Variants in NEBL observed in about 807,000 individuals in gnomAD.
The protein encoded by NEBL is LIM and SH3 protein 2.
NEBL carries 122 observed loss-of-function variants against 140.2 expected under a neutral mutation model. The ratio of observed to expected loss-of-function variants is 0.87; its 90% CI spans 0.75 to 1.01. The LOEUF is 1.01. Among genes scored for constraint, NEBL ranks in the 50% least tolerant of loss-of-function variants. The pLI, the probability that NEBL is intolerant of heterozygous loss-of-function variation, is 0.00. For missense variants in NEBL, 1,365 were observed against 1,231.3 expected, an observed-to-expected ratio of 1.11 and a Z score of -1.62; for synonymous variants, 436 against 398.9, an observed-to-expected ratio of 1.09 and a Z score of -1.11.
intron 17 of NEBL, 117 bp downstream of exon 17, chr10:20,828,413 C>T: frequency 1.4e-6 from 1 of 696,330 alleles, no homozygotes. Context: ...AAAGATAATA[C>T]ACTTGACAGA....
At chr10:20,829,286 G>A (rs183114768) in intron 16 of NEBL, among the ~76,000 whole-genome samples, 28 of 152,078 alleles carry the variant, frequency 1.8e-4, no homozygotes, top group African/African-American at 6.8e-4. Context: ...GTCCTTTGTA[G>A]GGACATGGAT....
chr10:21,105,201 T>C (rs1039930015), intron 2 of NEBL, among the ~76,000 whole-genome samples: 10 of 152,218 alleles, frequency 6.6e-5, no homozygotes, highest in African/African-American at 2.4e-4. Flanking sequence ...TTTTCTTTTA[T>C]ATTTTAAGTT....
intron 3 of NEBL, among the ~76,000 whole-genome samples, chr10:20,974,112 T>C: frequency 6.6e-6 from 1 of 152,196 alleles, no homozygotes; most frequent in South Asian, 2.1e-4. Context: ...AGGACCAGCA[T>C]TGCCATCTGT....
intron 2 of NEBL, among the ~76,000 whole-genome samples, chr10:21,061,925 G>C (rs1474511703): frequency 6.6e-6 from 1 of 152,176 alleles, no homozygotes. Flanking sequence ...AGCTATAGAT[G>C]CAAGCACAGA....
chr10:21,240,943 C>CAA (rs1357732780), intron 3 of NEBL, among the ~76,000 whole-genome samples: 1 of 150,668 alleles, frequency 6.6e-6, no homozygotes, highest in African/African-American at 2.5e-5. Flanking sequence ...CACACACACA[C>CAA]ACAAAACCAG....
chr10:21,162,942 T>C (rs1840614725), intron 2 of NEBL, among the ~76,000 whole-genome samples: 1 of 152,232 alleles, frequency 6.6e-6, no homozygotes, highest in African/African-American at 2.4e-5. Context: ...ATTACAAATA[T>C]ATCTAAATTT....
intron 12 of NEBL, among the ~76,000 whole-genome samples, chr10:20,844,397 T>C (rs571742466): frequency 6.6e-6 from 1 of 150,632 alleles, no homozygotes; most frequent in South Asian, 2.1e-4. Flanking sequence ...AAGATATATA[T>C]ACAAATATTA....
In NEBL at chr10:20,822,573, T is replaced by A. The variant is rs116312027; in HGVS notation, c.1962+635A>T. Among the ~76,000 whole-genome samples, 1,038 of 151,466 alleles carry A rather than the reference T, an allele frequency of 6.9e-3. 12 individuals are homozygous for A. Among genetic ancestry groups the A allele is most frequent in the African/African-American group, 0.024 (980 of 41,360 alleles). On this transcript the variant is annotated intron_variant, in intron 19 of 27. Transcript: ENST00000377122. ...TAGATATAGAAAGACTATATAGAGA[T>A]ATATACAGACTATCTAATATAGACT... is the stretch of plus-strand genomic sequence containing the variant.
At chr10:21,073,467 A>G (rs1247768348) in intron 2 of NEBL, among the ~76,000 whole-genome samples, 28 of 151,484 alleles carry the variant, frequency 1.8e-4, no homozygotes, top group Admixed American at 1.8e-3. Context: ...AAACACAAAA[A>G]TTAGGCAGGC....
intron 24 of NEBL, among the ~76,000 whole-genome samples, chr10:20,811,093 A>C (rs889707154): frequency 6.6e-6 from 1 of 152,220 alleles, no homozygotes. Context: ...GGCTCATTGG[A>C]AAGTTTAATG....
chr10:21,259,209 T>C (rs1037964737), intron 1 of NEBL, among the ~76,000 whole-genome samples: 1 of 152,026 alleles, frequency 6.6e-6, no homozygotes, highest in African/African-American at 2.4e-5. Flanking sequence ...TGCCTCAGCC[T>C]CCCGAGCAGC....
intron 19 of NEBL, among the ~76,000 whole-genome samples, chr10:20,819,878 C>A (rs1839121442): frequency 6.6e-6 from 1 of 152,080 alleles, no homozygotes; most frequent in Non-Finnish European, 1.5e-5. Context: ...GTGTGAGCCA[C>A]CACACCCAAC....
chr10:20,872,954 A>T (rs904046136), intron 5 of NEBL, among the ~76,000 whole-genome samples: 21 of 152,224 alleles, frequency 1.4e-4, no homozygotes, highest in African/African-American at 4.8e-4. Context: ...CGGAGTAGCC[A>T]TTCTTTTATT....
chr10:20,819,638 G>T, intron 19 of NEBL, 122 bp from the exon 20 acceptor site: 1 of 1,208,574 alleles, frequency 8.3e-7, no homozygotes, highest in Non-Finnish European at 1.2e-6. Context: ...ATCATCATCA[G>T]GATTTCATAG....
chr10:20,816,305 T>G (rs1360738742), intron 21 of NEBL, among the ~76,000 whole-genome samples: 2 of 152,244 alleles, frequency 1.3e-5, no homozygotes, highest in South Asian at 2.1e-4. Flanking sequence ...AATGTCTTCA[T>G]GGAGATTACT....
chr10:21,161,994 G>A (rs1265975385), intron 2 of NEBL, among the ~76,000 whole-genome samples: 1 of 152,222 alleles, frequency 6.6e-6, no homozygotes, highest in Non-Finnish European at 1.5e-5. Flanking sequence ...TTGGGGCTTT[G>A]AGCCGGATGA....
At chr10:20,962,913 A>G (rs77889422) in intron 3 of NEBL, among the ~76,000 whole-genome samples, 4,131 of 151,894 alleles carry the variant, frequency 0.027, 66 homozygotes, top group Middle Eastern at 0.058. Context: ...CTGTTGAATC[A>G]TGTCTGTATT....
rs145932528 is a variant in NEBL, at chr10:20,958,786, C to T, written c.357+2886G>A. Among the ~76,000 whole-genome samples the T allele has an allele frequency of 2.0e-3, 303 of 152,274 alleles. 1 individual carries two copies. Among genetic ancestry groups the T allele is most frequent in the African/African-American group, 7.0e-3 (290 of 41,548 alleles). On this transcript the variant is annotated intron_variant, in intron 4 of 6. Coordinates refer to the NEBL transcript ENST00000417816. The stretch of plus-strand genomic sequence containing the variant: ...ATAAATTGCAGTATTTAACAAATCT[C>T]CCATGTTCAATATGTTGTCATTACA...
intron 3 of NEBL, among the ~76,000 whole-genome samples, chr10:21,196,665 A>G (rs1174105346): frequency 6.6e-6 from 1 of 152,154 alleles, no homozygotes; most frequent in Non-Finnish European, 1.5e-5. Context: ...TTATTTTGGC[A>G]CTATTGATAC....
Sources: allele counts gnomAD v4.1 joint callset (sites outside exome capture counted in the v4.1 genomes callset), GRCh38; gene constraint gnomAD v4.1.1; transcripts MANE v1.5; gene names NCBI Gene and HGNC (gene_info 2026-07-23, HGNC 2026-07-21).